The following RBPMS variants were observed in gnomAD, a reference collection of about 807,000 sequenced individuals.
RBPMS encodes the protein RNA-binding protein with multiple splicing.
A neutral mutation model predicts 26.8 loss-of-function variants in RBPMS; 7 were observed. The ratio of observed to expected loss-of-function variants is 0.26; its 90% CI spans 0.15 to 0.49. The LOEUF (loss-of-function observed/expected upper bound fraction) is 0.49, where lower values mean the gene tolerates loss of function less well. Among genes scored for constraint, RBPMS ranks in the 20% least tolerant of loss-of-function variants. The pLI is 0.98. For synonymous variants in RBPMS, 96 were observed against 93.3 expected, an observed-to-expected ratio of 1.03 and a Z score of -0.17; for missense variants, 186 against 250.0, an observed-to-expected ratio of 0.74 and a Z score of 1.73.
At chr8:30,512,687 G>A (rs1821846615) in intron 5 of RBPMS, among the ~76,000 whole-genome samples, 2 of 151,958 alleles carry the variant, frequency 1.3e-5, no homozygotes, top group South Asian at 2.1e-4. Flanking sequence ...GGGCCTTCTC[G>A]CTAGGCCTCC....
intron 1 of RBPMS, among the ~76,000 whole-genome samples, chr8:30,461,274 T>A (rs1815861694): frequency 6.6e-6 from 1 of 152,228 alleles, no homozygotes; most frequent in Non-Finnish European, 1.5e-5. Context: ...AGTGACTTGA[T>A]AACTTTTAGG....
At chr8:30,462,364 A>C (rs1016301258) in intron 1 of RBPMS, among the ~76,000 whole-genome samples, 1 of 152,248 alleles carries the variant, frequency 6.6e-6, no homozygotes, top group African/African-American at 2.4e-5. Context: ...TACTACAATA[A>C]AAAGTGATGA....
chr8:30,534,388 T>C (rs1256426969), intron 5 of RBPMS, among the ~76,000 whole-genome samples: 1 of 152,248 alleles, frequency 6.6e-6, no homozygotes, highest in Non-Finnish European at 1.5e-5. Context: ...TGAAGGATAC[T>C]ATACACGTAA....
chr8:30,528,686 C>T (rs1290952106), intron 5 of RBPMS, among the ~76,000 whole-genome samples: 1 of 152,092 alleles, frequency 6.6e-6, no homozygotes, highest in Non-Finnish European at 1.5e-5. Context: ...AGTCATTATC[C>T]TCATTTTACA....
chr8:30,558,749 G>A, intron 6 of RBPMS, 138 bp from the exon 7 acceptor site: 1 of 746,358 alleles, frequency 1.3e-6, no homozygotes, highest in South Asian at 1.5e-5. Flanking sequence ...CAGCCCCTTG[G>A]GGAAGAGGCC....
At position 30,504,242 on chromosome 8, in the gene RBPMS, CAA is replaced by C. The variant is rs543408246; in HGVS notation, c.247-42_247-41del. The C allele has an allele frequency of 1.7e-4, 273 of 1,610,546 alleles. 1 individual carries two copies. In the African/African-American group the frequency reaches 3.0e-3, roughly 18 times the overall value. ...ATTTTGTCACCATTCCGGTTTGACT[CAA>C]AGGAAATGAAAACATCTTCCATTTG... On this transcript the variant is annotated intron_variant, in intron 4 of 8. Transcript: ENST00000397323.
At chr8:30,508,738 T>TA (rs1037128549) in intron 5 of RBPMS, among the ~76,000 whole-genome samples, 4 of 152,194 alleles carry the variant, frequency 2.6e-5, no homozygotes, top group Non-Finnish European at 5.9e-5. Flanking sequence ...TTTTTAAACT[T>TA]ACAGTGTTAC....
intron 6 of RBPMS, among the ~76,000 whole-genome samples, chr8:30,549,013 C>T (rs1269021500): frequency 1.3e-5 from 2 of 152,218 alleles, no homozygotes. Flanking sequence ...TTAGGAGTCG[C>T]CCAGCAGCGA....
chr8:30,421,164 T>A (rs550091239), intron 1 of RBPMS, among the ~76,000 whole-genome samples: 37 of 151,256 alleles, frequency 2.4e-4, no homozygotes, highest in Middle Eastern at 3.4e-3. Flanking sequence ...TGTGTGTGTG[T>A]GAGAGAGAGT....
chr8:30,549,769 T>C (rs868360250), intron 6 of RBPMS, among the ~76,000 whole-genome samples: 2,986 of 109,672 alleles, frequency 0.027, 87 homozygotes, highest in African/African-American at 0.086. Flanking sequence ...TTCTTTTCTT[T>C]TCTTCTCTCT....
intron 6 of RBPMS, chr8:30,549,359 C>T (rs946539010): frequency 8.5e-6 from 6 of 701,758 alleles, no homozygotes; most frequent in Admixed American, 8.2e-5. Flanking sequence ...AGAGCTGTGG[C>T]TGTGGCTATC....
intron 1 of RBPMS, among the ~76,000 whole-genome samples, chr8:30,429,266 G>A (rs1382574994): frequency 3.3e-5 from 5 of 152,134 alleles, no homozygotes; most frequent in African/African-American, 4.8e-5. Context: ...GCTGGCTGGG[G>A]GGCCTCAGAG....
chr8:30,423,162 T>C (rs1810983839), intron 1 of RBPMS, among the ~76,000 whole-genome samples: 1 of 152,228 alleles, frequency 6.6e-6, no homozygotes, highest in South Asian at 2.1e-4. Flanking sequence ...GGCTTTGTTA[T>C]CTGGTTTCCC....
chr8:30,433,347 T>A (rs1812136617), intron 1 of RBPMS, among the ~76,000 whole-genome samples: 1 of 152,188 alleles, frequency 6.6e-6, no homozygotes, highest in Admixed American at 6.5e-5. Context: ...ATGTTTAGAT[T>A]TTTCAAATAT....
intron 1 of RBPMS, among the ~76,000 whole-genome samples, chr8:30,426,624 A>C (rs1811378100): frequency 6.6e-6 from 1 of 151,990 alleles, no homozygotes; most frequent in Non-Finnish European, 1.5e-5. Context: ...AGTTTCTAAA[A>C]GTCAAGGGAG....
intron 5 of RBPMS, among the ~76,000 whole-genome samples, chr8:30,513,926 G>A (rs1822010192): frequency 6.6e-6 from 1 of 152,120 alleles, no homozygotes. Context: ...TCAAAAGCAT[G>A]GTCCACGCAC....
intron 1 of RBPMS, among the ~76,000 whole-genome samples, chr8:30,456,423 A>G (rs1268369894): frequency 3.3e-5 from 5 of 152,184 alleles, no homozygotes; most frequent in African/African-American, 1.2e-4. Flanking sequence ...CCCTGGGTCC[A>G]TAGTACTTTT....
At chr8:30,514,703 T>TTTTTTTTTTTTTTG (rs58473169) in intron 5 of RBPMS, among the ~76,000 whole-genome samples, 1 of 135,256 alleles carries the variant, frequency 7.4e-6, no homozygotes, top group African/African-American at 2.8e-5. Flanking sequence ...TTTTTTTTTT[T>TTTTTTTTTTTTTTG]AATGTAGAGG....
At chr8:30,425,556 C>T (rs895381781) in intron 1 of RBPMS, among the ~76,000 whole-genome samples, 8 of 152,130 alleles carry the variant, frequency 5.3e-5, no homozygotes, top group Admixed American at 3.3e-4. Flanking sequence ...TGTGCCACCA[C>T]GCCCCGCTAA....
Sources: gnomAD v4.1 joint callset for allele counts (sites outside exome capture counted in the v4.1 genomes callset) on GRCh38, gnomAD v4.1.1 for gene constraint, MANE v1.5 for transcripts, NCBI Gene and HGNC (gene_info 2026-07-23, HGNC 2026-07-21) for gene names.